Variants in PIP4K2B observed in about 807,000 individuals in gnomAD.
PIP4K2B encodes the protein phosphatidylinositol 5-phosphate 4-kinase type-2 beta.
Under a neutral mutation model 42.0 loss-of-function variants are expected in PIP4K2B, and 3 were observed. That is an observed-to-expected ratio of 0.07 (90% CI 0.03 to 0.18). The LOEUF (loss-of-function observed/expected upper bound fraction) is 0.18, where lower values mean the gene tolerates loss of function less well. Ranked by LOEUF, PIP4K2B falls within the 10% of genes least tolerant of loss-of-function variation. The pLI, the probability that PIP4K2B is intolerant of heterozygous loss-of-function variation, is 1.00. For missense variants in PIP4K2B, 332 were observed against 562.3 expected (o/e 0.59, Z 4.14); for synonymous variants, 204 against 210.1 (o/e 0.97, Z 0.25).
At chr17:38,777,296 C>T (rs891941256) in intron 7 of PIP4K2B, among the ~76,000 whole-genome samples, 23 of 152,146 alleles carry the variant, frequency 1.5e-4, no homozygotes, top group African/African-American at 4.8e-4. Flanking sequence ...AACTGCTGAG[C>T]TCAAGCGATC....
At chr17:38,795,116 A>AG (rs1910581458) in intron 1 of PIP4K2B, among the ~76,000 whole-genome samples, 1 of 150,658 alleles carries the variant, frequency 6.6e-6, no homozygotes. Context: ...AAAAAAAAAA[A>AG]AAAAAAAAGA....
At chr17:38,787,186 T>C (rs916199462) in intron 1 of PIP4K2B, among the ~76,000 whole-genome samples, 3 of 151,728 alleles carry the variant, frequency 2.0e-5, no homozygotes, top group East Asian at 1.9e-4. Flanking sequence ...CAGGTGCACA[T>C]CACCACGCCC....
rs1908897544 is a variant in PIP4K2B, at chr17:38,769,647, A to T, written c.*44T>A. The T allele has an allele frequency of 8.6e-7, 1 of 1,156,338 alleles. No homozygotes were observed. The allele number at this position is 1,156,338 out of a possible 1,614,324, so 71.6% of individuals were successfully genotyped here. On this transcript the variant is annotated 3_prime_UTR_variant, in exon 10 of 10. Coordinates refer to ENST00000619039, the MANE Select transcript of PIP4K2B (RefSeq NM_003559.5). Reference sequence around the variant, plus strand: ...CCTTCTCCCTAACTCCCGATCCCCGACCCCATATCCAGCTCTCTGGCTCTG... The same window carrying T: ...CCTTCTCCCTAACTCCCGATCCCCGTCCCCATATCCAGCTCTCTGGCTCTG...
At chr17:38,788,985 C>T (rs957363418) in intron 1 of PIP4K2B, among the ~76,000 whole-genome samples, 3 of 151,386 alleles carry the variant, frequency 2.0e-5, no homozygotes, top group Non-Finnish European at 2.9e-5. Context: ...CAGGCATAGT[C>T]GTGTACACCT....
At chr17:38,774,981 G>A (rs903581555) in intron 7 of PIP4K2B, among the ~76,000 whole-genome samples, 2 of 150,872 alleles carry the variant, frequency 1.3e-5, no homozygotes, top group African/African-American at 2.4e-5. Flanking sequence ...ATGAGGTCTC[G>A]TTCTGTCGCC....
At chr17:38,780,755 C>T (rs924939360) in intron 3 of PIP4K2B, 151 bp from the exon 4 acceptor site, 1 of 664,636 alleles carries the variant, frequency 1.5e-6, no homozygotes, top group Non-Finnish European at 2.5e-6. Context: ...CCTTTTCTCA[C>T]AGGGTGTTCA....
chr17:38,797,601 A>T (rs1036996808), intron 1 of PIP4K2B, among the ~76,000 whole-genome samples: 2 of 152,094 alleles, frequency 1.3e-5, no homozygotes, highest in African/African-American at 4.8e-5. Flanking sequence ...AAAATAAGGG[A>T]CCCAAGGTTC....
chr17:38,781,135 T>A (rs1431921091), intron 3 of PIP4K2B, among the ~76,000 whole-genome samples: 1 of 152,160 alleles, frequency 6.6e-6, no homozygotes, highest in African/African-American at 2.4e-5. Flanking sequence ...TCCCTGGATC[T>A]ACCCTAATGC....
At chr17:38,779,256 T>A in intron 5 of PIP4K2B, 127 bp downstream of exon 5, 1 of 911,458 alleles carries the variant, frequency 1.1e-6, no homozygotes, top group South Asian at 1.6e-5. Flanking sequence ...GCATATCCAC[T>A]CCAGAGTTCC....
rs1279262867 is a variant in PIP4K2B, at chr17:38,769,850, T to C, written c.1171-79A>G. ...GCTGCACATGGGGGGAGCCAGGGTA[T>C]TCAGAAGCCTCTTACTCAGTATCAG... On this transcript the variant is annotated intron_variant, in intron 9 of 9. Coordinates refer to ENST00000619039, the MANE Select transcript of PIP4K2B (RefSeq NM_003559.5). 8.4e-6 allele frequency: 11 copies of C among 1,303,352 alleles called. No individual in the cohort carries two copies. In the African/African-American group the frequency reaches 1.6e-4, roughly 19 times the overall value. The allele number at this position is 1,303,352 out of a possible 1,614,324, so 80.7% of individuals were successfully genotyped here. A position where few individuals can be genotyped will look rare whatever the true frequency, so the allele number is the denominator to read the frequency against.
chr17:38,770,936 C>G (rs1206651818), intron 8 of PIP4K2B, 78 bp downstream of exon 8: 1 of 1,529,934 alleles, frequency 6.5e-7, no homozygotes, highest in African/African-American at 1.4e-5. Context: ...CCAGATGCCC[C>G]TAGAAGGATC....
In PIP4K2B at chr17:38,779,533, G is replaced by A; in HGVS notation, c.508-4C>T. On this transcript the variant is annotated splice_region_variant and splice_polypyrimidine_tract_variant and intron_variant, in intron 4 of 9. Transcript: ENST00000619039. ...TGCCATGACACTCCACTATAAACTA[G>A]AATGGAAAGGAAGAAGAGAGAGGAC... 6.2e-7 allele frequency: 1 copy of A among 1,611,330 alleles called. No individual in the cohort carries two copies. Among genetic ancestry groups the A allele is most frequent in the Middle Eastern group, 1.7e-4 (1 of 6,046 alleles).
intron 1 of PIP4K2B, among the ~76,000 whole-genome samples, chr17:38,788,945 C>CAA (rs35436430): frequency 4.8e-4 from 64 of 134,000 alleles, no homozygotes; most frequent in East Asian, 3.1e-3. Context: ...GACTCTGTCT[C>CAA]AAAAAAAAAA....
intron 2 of PIP4K2B, among the ~76,000 whole-genome samples, chr17:38,785,117 C>T (rs998791921): frequency 6.6e-5 from 10 of 152,180 alleles, no homozygotes; most frequent in African/African-American, 2.4e-4. Flanking sequence ...TGGCTGCTGG[C>T]ACCAATCTCC....
In PIP4K2B at chr17:38,799,512, C is replaced by T; in HGVS notation, c.-88G>A. On this transcript the variant is annotated 5_prime_UTR_variant, in exon 1 of 10. Coordinates refer to ENST00000619039, the MANE Select transcript of PIP4K2B (RefSeq NM_003559.5). This position sits in a 1 kb window ranked among gnomAD's most constrained non-coding sequence, Gnocchi z 4.4. The stretch of plus-strand genomic sequence containing the variant: ...GCCTCAGGCCTCCCCCGGACCGATC[C>T]CCACCCCCGCTCCCTCACCGCGCCA... 4 of 1,361,924 alleles carry T rather than the reference C, an allele frequency of 2.9e-6. No homozygotes were observed. The highest frequency in any genetic ancestry group is 1.7e-5 in the South Asian group (1 of 57,942). 84.4% of individuals were successfully genotyped at this position (1,361,924 alleles called of 1,614,324 possible). A position where few individuals can be genotyped will look rare whatever the true frequency, so the allele number is the denominator to read the frequency against.
At chr17:38,798,921 T>G (rs1260988079) in intron 1 of PIP4K2B, among the ~76,000 whole-genome samples, 2 of 148,942 alleles carry the variant, frequency 1.3e-5, no homozygotes, top group Admixed American at 6.7e-5. Flanking sequence ...ACAAACAGGA[T>G]GAGGGGGGAG....
intron 7 of PIP4K2B, chr17:38,776,702 T>A (rs776161153): frequency 2.0e-4 from 78 of 388,274 alleles, no homozygotes; most frequent in East Asian, 6.6e-4. Flanking sequence ...TTAAAAAAAA[T>A]TTTTTTTCCC....
chr17:38,771,611 AC>A (rs1280583057), intron 7 of PIP4K2B, among the ~76,000 whole-genome samples: 8 of 151,112 alleles, frequency 5.3e-5, no homozygotes, highest in African/African-American at 1.9e-4. Context: ...GGTGAGCAAG[AC>A]CCTCCCTGAA....
chr17:38,783,674 C>A (rs1171311399), intron 3 of PIP4K2B, among the ~76,000 whole-genome samples: 1 of 151,942 alleles, frequency 6.6e-6, no homozygotes, highest in Non-Finnish European at 1.5e-5. Flanking sequence ...GATCTCAGCT[C>A]GCTGCAACCT....
Sources: gnomAD v4.1 joint callset for allele counts (sites outside exome capture counted in the v4.1 genomes callset) on GRCh38, gnomAD v4.1.1 for gene constraint, Gnocchi (gnomAD v3.1) non-coding constraint, MANE v1.5 for transcripts, NCBI Gene and HGNC (gene_info 2026-07-23, HGNC 2026-07-21) for gene names.